The following KHDRBS3 variants were observed in gnomAD, a reference collection of about 807,000 sequenced individuals.
KHDRBS3 encodes the protein KH domain-containing, RNA-binding, signal transduction-associated protein 3.
A neutral mutation model predicts 45.6 loss-of-function variants in KHDRBS3; 23 were observed. The observed-to-expected ratio is 0.50, with a 90% CI of 0.36 to 0.72. KHDRBS3 has a LOEUF of 0.72. Ranked by LOEUF, KHDRBS3 falls within the 30% of genes least tolerant of loss-of-function variation. The probability of loss-of-function intolerance (pLI) is 0.00; values close to 1 mark genes in which losing one functional copy is unlikely to be tolerated. For synonymous variants in KHDRBS3, 162 were observed against 156.5 expected, an observed-to-expected ratio of 1.04 and a Z score of -0.26; for missense variants, 352 against 424.8, an observed-to-expected ratio of 0.83 and a Z score of 1.51.
intron 1 of KHDRBS3, among the ~76,000 whole-genome samples, chr8:135,489,120 C>T (rs1316096250): frequency 6.6e-6 from 1 of 152,110 alleles, no homozygotes; most frequent in Non-Finnish European, 1.5e-5. Flanking sequence ...CAAATTTTAG[C>T]TAGTAATATA....
chr8:135,639,966 G>A (rs1197258020), intron 7 of KHDRBS3, among the ~76,000 whole-genome samples: 2 of 152,032 alleles, frequency 1.3e-5, no homozygotes, highest in Non-Finnish European at 2.9e-5. Flanking sequence ...GTGATATCTC[G>A]GCTGTGGAAG....
intron 2 of KHDRBS3, among the ~76,000 whole-genome samples, chr8:135,534,383 T>A (rs1431483737): frequency 1.3e-5 from 2 of 152,150 alleles, no homozygotes; most frequent in Non-Finnish European, 2.9e-5. Flanking sequence ...ATTAATACTT[T>A]CGGGGCATTA....
chr8:135,580,237 G>T (rs1189934571), intron 5 of KHDRBS3, among the ~76,000 whole-genome samples: 1 of 152,158 alleles, frequency 6.6e-6, no homozygotes, highest in South Asian at 2.1e-4. Flanking sequence ...TACTTTGAAC[G>T]AGGCACTTCC....
At chr8:135,602,575 A>AT (rs1829264259) in intron 6 of KHDRBS3, among the ~76,000 whole-genome samples, 1 of 125,084 alleles carries the variant, frequency 8.0e-6, no homozygotes, top group Admixed American at 8.8e-5. Context: ...TTAATATTTT[A>AT]GTTTTTTTTT....
At chr8:135,462,459 C>G (rs889871036) in intron 1 of KHDRBS3, among the ~76,000 whole-genome samples, 1 of 152,100 alleles carries the variant, frequency 6.6e-6, no homozygotes, top group African/African-American at 2.4e-5. Context: ...TGAGAAGCTC[C>G]TGCTCTCCTC....
At chr8:135,522,357 G>A (rs780189640) in intron 2 of KHDRBS3, among the ~76,000 whole-genome samples, 1 of 152,128 alleles carries the variant, frequency 6.6e-6, no homozygotes, top group Non-Finnish European at 1.5e-5. Context: ...CATTGATAGG[G>A]ATTTGGGTTG....
chr8:135,614,219 A>C (rs938310794), intron 7 of KHDRBS3, among the ~76,000 whole-genome samples: 4 of 151,874 alleles, frequency 2.6e-5, no homozygotes, highest in Admixed American at 6.6e-5. Context: ...TTGGCTCAAA[A>C]ATAGATGTTG....
intron 3 of KHDRBS3, among the ~76,000 whole-genome samples, chr8:135,544,233 G>A (rs1586695261): frequency 6.6e-6 from 1 of 152,154 alleles, no homozygotes; most frequent in East Asian, 1.9e-4. Context: ...TTGTTAAGGG[G>A]GTTGGTCAGA....
intron 5 of KHDRBS3, among the ~76,000 whole-genome samples, chr8:135,565,129 T>C (rs1452531814): frequency 6.6e-6 from 1 of 152,124 alleles, no homozygotes; most frequent in Non-Finnish European, 1.5e-5. Context: ...CCAGTGGCGG[T>C]GGACTCATTG....
intron 7 of KHDRBS3, among the ~76,000 whole-genome samples, chr8:135,619,613 G>A (rs1247380559): frequency 2.0e-5 from 3 of 152,208 alleles, no homozygotes; most frequent in Non-Finnish European, 4.4e-5. Flanking sequence ...GAAATGGAAA[G>A]CATGTCATAT....
intron 7 of KHDRBS3, among the ~76,000 whole-genome samples, chr8:135,607,491 C>A (rs1829517716): frequency 6.6e-6 from 1 of 152,156 alleles, no homozygotes; most frequent in South Asian, 2.1e-4. Flanking sequence ...AAACTCCTAC[C>A]TGTGAATAAT....
chr8:135,509,974 C>CTTTTTTTTTTTTTTTTTTTTTTTTATTTT lies in KHDRBS3; in HGVS notation c.89-11245_89-11244insTTTTTTATTTTTTTTTTTTTTTTTTTTTT, dbSNP rs1237666093. Among the ~76,000 whole-genome samples, 2 of 122,938 alleles carry CTTTTTTTTTTTTTTTTTTTTTTTTATTTT rather than the reference C, an allele frequency of 1.6e-5. 1 individual carries two copies. 80.7% of individuals were successfully genotyped at this position (122,938 alleles called of 152,430 possible). ...ACATTGAAATTTTCTTTCCCCCCCCCTTTTTTTTTTTTTTTTTTGCTTAAA... is the reference window on the plus strand; with the variant it reads ...ACATTGAAATTTTCTTTCCCCCCCCCTTTTTTTTTTTTTTTTTTTTTTTTATTTTTTTTTTTTTTTTTTTTTTGCTTAAA... On this transcript the variant is annotated intron_variant, in intron 1 of 8. Coordinates refer to ENST00000355849, the MANE Select transcript of KHDRBS3 (RefSeq NM_006558.3).
chr8:135,511,360 A>G (rs998574150), intron 1 of KHDRBS3, among the ~76,000 whole-genome samples: 3 of 152,174 alleles, frequency 2.0e-5, no homozygotes, highest in Admixed American at 2.0e-4. Flanking sequence ...ATTAGCCATG[A>G]TGGGTAGAAT....
chr8:135,526,542 A>G (rs769899408), intron 2 of KHDRBS3, among the ~76,000 whole-genome samples: 4 of 152,140 alleles, frequency 2.6e-5, no homozygotes, highest in Non-Finnish European at 4.4e-5. Context: ...AATCAGTCCT[A>G]AGAAGAAGCT....
rs188948494 is a variant in KHDRBS3 at position 135,554,889 on chromosome 8, A to G, written c.472-2559A>G. Among the ~76,000 whole-genome samples the G allele has an allele frequency of 3.8e-4, 58 of 152,192 alleles. 1 individual carries two copies. The highest frequency in any genetic ancestry group is 2.3e-3 in the East Asian group (12 of 5,174). On this transcript the variant is annotated intron_variant, in intron 4 of 8. Coordinates refer to ENST00000355849, the MANE Select transcript of KHDRBS3 (RefSeq NM_006558.3). ...GGAATCTGTCTCCTCTAAATGTTCT[A>G]TTTACACTCGAATATGCTCATGTTT...
At chr8:135,556,420 T>C (rs139634417) in intron 4 of KHDRBS3, among the ~76,000 whole-genome samples, 1,707 of 152,286 alleles carry the variant, frequency 0.011, 24 homozygotes, top group African/African-American at 0.037. Flanking sequence ...TTTTAATGAT[T>C]GCCATTCTAA....
At chr8:135,545,485 A>G (rs2130784956) in intron 3 of KHDRBS3, among the ~76,000 whole-genome samples, 1 of 152,328 alleles carries the variant, frequency 6.6e-6, no homozygotes, top group Non-Finnish European at 1.5e-5. Flanking sequence ...ACTGTTATCC[A>G]GACACTGTCC....
At chr8:135,548,674 T>G in intron 3 of KHDRBS3, 80 bp from the exon 4 acceptor site, 1 of 1,176,260 alleles carries the variant, frequency 8.5e-7, no homozygotes, top group Non-Finnish European at 1.1e-6. Flanking sequence ...TGGGGGTTAG[T>G]TTTTATTTAT....
intron 6 of KHDRBS3, among the ~76,000 whole-genome samples, chr8:135,605,188 A>T (rs1207626594): frequency 6.6e-6 from 1 of 151,880 alleles, no homozygotes; most frequent in Non-Finnish European, 1.5e-5. Flanking sequence ...TAAATTTTGG[A>T]AGTTTTCAGC....
Sources: allele counts gnomAD v4.1 joint callset (sites outside exome capture counted in the v4.1 genomes callset), GRCh38; gene constraint gnomAD v4.1.1; transcripts MANE v1.5; gene names NCBI Gene and HGNC (gene_info 2026-07-23, HGNC 2026-07-21).